PEAK1: variants seen among roughly 807,000 people sequenced by gnomAD.
The protein encoded by PEAK1 is pseudopodium enriched atypical kinase 1.
Under a neutral mutation model 124.7 loss-of-function variants are expected in PEAK1, and 54 were observed. That is an observed-to-expected ratio of 0.43 (90% CI 0.35 to 0.54). PEAK1 has a LOEUF of 0.54. Among genes scored for constraint, PEAK1 ranks in the 20% least tolerant of loss-of-function variants. The pLI is 0.01. For synonymous variants in PEAK1, 719 were observed against 760.0 expected, an observed-to-expected ratio of 0.95 and a Z score of 0.89; for missense variants, 2,046 against 2,134.5, an observed-to-expected ratio of 0.96 and a Z score of 0.82.
At chr15:77,156,364 G>A (rs1295163882) in intron 8 of PEAK1, 1 of 152,682 alleles carries the variant, frequency 6.5e-6, no homozygotes, top group African/African-American at 2.4e-5. Flanking sequence ...CACAGTATTA[G>A]GGTGGGAGTG....
chr15:77,417,914 A>G (rs1444665210), intron 1 of PEAK1: 1 of 981,898 alleles, frequency 1.0e-6, no homozygotes. Context: ...ATAAGCAAAT[A>G]AAAGTTTTTA....
At chr15:77,334,129 T>TAA in intron 2 of PEAK1, 1 of 912,106 alleles carries the variant, frequency 1.1e-6, no homozygotes, top group African/African-American at 1.8e-5. Context: ...TCTAAATACT[T>TAA]AAGAGATTTT....
intron 6 of PEAK1, among the ~76,000 whole-genome samples, chr15:77,246,491 G>A (rs562159980): frequency 7.1e-4 from 108 of 152,158 alleles, no homozygotes; most frequent in African/African-American, 2.4e-3. Context: ...CTCCAGCCTG[G>A]GTGGCGGAGT....
At chr15:77,134,711 T>G (rs1178599231) in intron 8 of PEAK1, among the ~76,000 whole-genome samples, 1 of 152,132 alleles carries the variant, frequency 6.6e-6, no homozygotes, top group Non-Finnish European at 1.5e-5. Context: ...TATTAAAAAT[T>G]AGTTCTGTTA....
At chr15:77,157,709 A>G (rs565897164) in intron 8 of PEAK1, 1 of 152,152 alleles carries the variant, frequency 6.6e-6, no homozygotes, top group Non-Finnish European at 1.5e-5. Flanking sequence ...ACATTATCCA[A>G]TCTTGTGTAT....
At chr15:77,360,187 T>C (rs2067792731) in intron 2 of PEAK1, among the ~76,000 whole-genome samples, 1 of 152,288 alleles carries the variant, frequency 6.6e-6, no homozygotes. Flanking sequence ...GATATCTACA[T>C]ACAAATGAAT....
rs1436035986 is a variant in PEAK1 at position 77,111,451 on chromosome 15, A to G, written c.*2705T>C. ...TCTCTATTCTGCTCTAACCTGTAAC[A>G]CCCCCTTCCCTCTCTATCTCACATT... On this transcript the variant is annotated 3_prime_UTR_variant, in exon 10 of 10. Coordinates refer to ENST00000682557, the MANE Select transcript of PEAK1 (RefSeq NM_001385026.1). The G allele has an allele frequency of 6.6e-6, 1 of 152,014 alleles. No homozygotes were observed. Among genetic ancestry groups the G allele is most frequent in the African/African-American group, 2.4e-5 (1 of 41,384 alleles). The allele number at this position is 152,014 out of a possible 1,614,324, so 9.4% of individuals were successfully genotyped here.
chr15:77,299,868 C>G (rs1304718133), intron 2 of PEAK1, among the ~76,000 whole-genome samples: 2 of 152,152 alleles, frequency 1.3e-5, no homozygotes, highest in African/African-American at 4.8e-5. Flanking sequence ...TTTATTAGAT[C>G]ACTGTGGTCT....
At chr15:77,240,263 T>C (rs562942520) in intron 6 of PEAK1, among the ~76,000 whole-genome samples, 1 of 152,336 alleles carries the variant, frequency 6.6e-6, no homozygotes, top group African/African-American at 2.4e-5. Flanking sequence ...CATTTCCAAA[T>C]ACAACTATAA....
At chr15:77,311,399 G>A (rs931879552) in intron 2 of PEAK1, among the ~76,000 whole-genome samples, 2 of 152,190 alleles carry the variant, frequency 1.3e-5, no homozygotes, top group Non-Finnish European at 2.9e-5. Context: ...AGGCAGGCCG[G>A]GTGCAGTGGC....
chr15:77,198,279 A>G (rs2058203793), intron 6 of PEAK1, among the ~76,000 whole-genome samples: 1 of 152,216 alleles, frequency 6.6e-6, no homozygotes, highest in South Asian at 2.1e-4. Flanking sequence ...TGTGTATTAT[A>G]GTAAAAAGTG....
At chr15:77,375,931 G>A (rs1319207107) in intron 1 of PEAK1, among the ~76,000 whole-genome samples, 1 of 151,876 alleles carries the variant, frequency 6.6e-6, no homozygotes, top group Non-Finnish European at 1.5e-5. Context: ...CCCGGGAGGC[G>A]GAGCCTGCAG....
intron 5 of PEAK1, among the ~76,000 whole-genome samples, chr15:77,275,033 G>T (rs1311679709): frequency 1.3e-5 from 2 of 152,184 alleles, no homozygotes; most frequent in Non-Finnish European, 2.9e-5. Context: ...GATGGAACTG[G>T]AGACCATTAT....
intron 2 of PEAK1, chr15:77,345,850 T>C (rs984909388): frequency 6.5e-6 from 6 of 919,070 alleles, no homozygotes; most frequent in Non-Finnish European, 7.8e-6. Context: ...ATTACATGTA[T>C]CCCCAAAATA....
At chr15:77,318,920 C>T (rs1026728969) in intron 2 of PEAK1, among the ~76,000 whole-genome samples, 2 of 151,968 alleles carry the variant, frequency 1.3e-5, no homozygotes, top group Non-Finnish European at 1.5e-5. Context: ...TCCTGAACCA[C>T]GAACCACCTA....
intron 2 of PEAK1, among the ~76,000 whole-genome samples, chr15:77,327,311 A>G (rs1316859427): frequency 6.6e-6 from 1 of 152,102 alleles, no homozygotes; most frequent in African/African-American, 2.4e-5. Context: ...GGTTCTAAAT[A>G]AAGTAAATCA....
At chr15:77,313,393 A>G (rs964953155) in intron 2 of PEAK1, among the ~76,000 whole-genome samples, 3 of 152,300 alleles carry the variant, frequency 2.0e-5, no homozygotes, top group Non-Finnish European at 4.4e-5. Context: ...AGAATAATCA[A>G]ATAGTTTATT....
chr15:77,121,148 G>A (rs1596255673), intron 9 of PEAK1, among the ~76,000 whole-genome samples: 1 of 152,098 alleles, frequency 6.6e-6, no homozygotes, highest in South Asian at 2.1e-4. Flanking sequence ...ATCTCATGAT[G>A]CTGAGGTTTG....
At chr15:77,183,245 T>C (rs780391205) in intron 6 of PEAK1, among the ~76,000 whole-genome samples, 1 of 152,226 alleles carries the variant, frequency 6.6e-6, no homozygotes. Flanking sequence ...TTTGTTTACA[T>C]ACTCATTTGC....
Sources: gnomAD v4.1 joint callset for allele counts (sites outside exome capture counted in the v4.1 genomes callset) on GRCh38, gnomAD v4.1.1 for gene constraint, MANE v1.5 for transcripts, NCBI Gene and HGNC (gene_info 2026-07-23, HGNC 2026-07-21) for gene names.